Variants in TTN observed in about 807,000 individuals in gnomAD.
The protein encoded by TTN is titin.
In TTN, 1,525 loss-of-function variants were observed where a neutral mutation model predicts 3,223.0. That is an observed-to-expected ratio of 0.47 (90% CI 0.45 to 0.49). The LOEUF is 0.49. Ranked by LOEUF, TTN falls within the 20% of genes least tolerant of loss-of-function variation. The pLI is 0.00. For missense variants in TTN, 40,786 were observed against 43,424.0 expected (o/e 0.94, Z 5.40); for synonymous variants, 14,094 against 15,161.0 (o/e 0.93, Z 5.17).
rs533468450 is a variant in TTN, at chr2:178,630,423, T to C, written c.44155-56A>G. ...GAAAATAATTTTCTTTGAAATTTTG[T>C]TCTAAGGATAGATTATCTTAATTAA... On this transcript the variant is annotated intron_variant, in intron 238 of 362. Transcript: ENST00000589042. 1.1e-5 allele frequency: 17 copies of C among 1,527,702 alleles called. No individual in the cohort carries two copies. In the African/African-American group the frequency reaches 2.0e-4, roughly 18 times the overall value. The allele number at this position is 1,527,702 out of a possible 1,614,324, so 94.6% of individuals were successfully genotyped here.
In TTN at chr2:178,793,352, T is replaced by C. The variant is rs1279541339; in HGVS notation, c.1536+52A>G. Reference sequence around the variant, plus strand: ...TCTTCATGGTAAAGGTGATTATCTGTGTTGACCCCTGTAAGAACCTCAGTG... The same window carrying C: ...TCTTCATGGTAAAGGTGATTATCTGCGTTGACCCCTGTAAGAACCTCAGTG... On this transcript the variant is annotated intron_variant, in intron 9 of 362. Coordinates refer to ENST00000589042, the MANE Select transcript of TTN (RefSeq NM_001267550.2). The C allele has an allele frequency of 3.7e-6, 6 of 1,604,848 alleles. No homozygotes were observed. In the East Asian group the frequency reaches 1.1e-4, roughly 30 times the overall value.
intron 250 of TTN, chr2:178,619,165 G>T: frequency 2.5e-6 from 1 of 404,394 alleles, no homozygotes; most frequent in Non-Finnish European, 4.4e-6. Flanking sequence ...GATAGAGTAG[G>T]CACTGCATAC....
chr2:178,635,272 C>T lies in TTN; in HGVS notation c.41917G>A (p.Asp13973Asn). ...CTTTCTTTCTCATAAATGGTAACGT[C>T]CTCTATTGGTTTAAGCAGTTCAACT... is the stretch of plus-strand genomic sequence containing the variant. ...REVELLKPIE[D>N]VTIYEKESAS... Residue 13973 changes from aspartate (D) to asparagine (N), a missense_variant, in exon 228 of 363, where the codon GAC (aspartate) becomes AAC (asparagine). By Grantham distance (23) the Asp-to-Asn change is conservative (BLOSUM62 1). Transcript: ENST00000589042. The T allele has an allele frequency of 1.2e-6, 2 of 1,613,322 alleles. No individual in the cohort carries two copies. The highest frequency in any genetic ancestry group is 1.7e-6 in the Non-Finnish European group (2 of 1,179,530).
chr2:178,554,050 A>G lies in TTN; in HGVS notation c.89061T>C (p.Thr29687=), dbSNP rs770370764. The G allele has an allele frequency of 2.5e-6, 4 of 1,613,706 alleles. No individual in the cohort carries two copies. The highest frequency in any genetic ancestry group is 3.4e-6 in the Non-Finnish European group (4 of 1,179,820). Reference sequence around the variant, plus strand: ...TTACTTTTTGTCTGGTGTCACGGATAGTCTCTTTTAGTACTTTAAACCATC... The same window carrying G: ...TTACTTTTTGTCTGGTGTCACGGATGGTCTCTTTTAGTACTTTAAACCATC... The part of the protein sequence containing the change: ...SLGWFKVLKE[T]IRDTRQKVTG... Residue 29687 remains threonine, a synonymous_variant, in exon 333 of 363, where the codon ACT becomes ACC. Transcript: ENST00000589042.
Position 178,592,954 on chromosome 2 carries a change from A to G in TTN, c.59165T>C (p.Val19722Ala), listed in dbSNP as rs116592778. The G allele has an allele frequency of 7.0e-4, 1,136 of 1,613,478 alleles. 5 individuals are homozygous for G. In the African/African-American group the frequency reaches 0.013, roughly 18 times the overall value. The change falls in exon 300 of 363, where the codon GTT becomes GCT. Residue 19722 changes from valine to alanine, a missense_variant. Coordinates refer to ENST00000589042, the MANE Select transcript of TTN (RefSeq NM_001267550.2). The stretch of plus-strand genomic sequence containing the variant: ...GGCTCTTCTCCACTCTTCATCTCCA[A>G]CTTTCTGGTACTCAACAATATAACC... ...ILGYIVEYQK[V>A]GDEEWRRANH...
chr2:178,554,145 T>C lies in TTN; in HGVS notation c.88966A>G (p.Arg29656Gly). Residue 29656 changes from arginine to glycine, a missense_variant, in exon 333 of 363, where the codon AGG becomes GGG. Transcript: ENST00000589042. ...TCACTACCGCCATCTGCAATTGGCC[T>C]GCTCCATACAACAGTCATCGAATTC... Reference protein sequence around the residue: ...TKNSMTVVWSRPIADGGSDIS... With the variant: ...TKNSMTVVWSGPIADGGSDIS... 6.2e-7 allele frequency: 1 copy of C among 1,613,736 alleles called. No homozygotes were observed. The highest frequency in any genetic ancestry group is 1.3e-5 in the African/African-American group (1 of 75,040).
At chr2:178,625,689 C>A (rs1016864086) in intron 240 of TTN, among the ~76,000 whole-genome samples, 2 of 151,942 alleles carry the variant, frequency 1.3e-5, no homozygotes, top group African/African-American at 4.8e-5. Context: ...CATCATCTAG[C>A]ATTGGGTATA....
Position 178,625,329 on chromosome 2 carries a change from C to T in TTN, c.44492G>A (p.Gly14831Glu), listed in dbSNP as rs751929345. 1.9e-5 allele frequency: 30 copies of T among 1,604,190 alleles called. No homozygotes were observed. The Admixed American group carries it at 2.2e-4, about 12-fold the overall frequency. Residue 14831 changes from glycine (G) to glutamate (E), a missense_variant, in exon 241 of 363, where the codon GGG becomes GAG. Transcript: ENST00000589042. Reference sequence around the variant, plus strand: ...ATCTTTTGCTGTTAGTTGGACTTCCCCAGCATCTTCTAACTTTACATCCCT... The same window carrying T: ...ATCTTTTGCTGTTAGTTGGACTTCCTCAGCATCTTCTAACTTTACATCCCT... Reference protein sequence around the residue: ...TLRDVKLEDAGEVQLTAKDFK... With the variant: ...TLRDVKLEDAEEVQLTAKDFK...
At chr2:178,726,172 AC>A in intron 69 of TTN, 126 bp from the exon 70 acceptor site, 1 of 1,134,322 alleles carries the variant, frequency 8.8e-7, no homozygotes. Context: ...TCCAGCACTA[AC>A]ACTCTCATGG....
intron 10 of TTN, among the ~76,000 whole-genome samples, chr2:178,791,663 A>ATGTGTGTGTGTGTGTG (rs58282760): frequency 1.4e-5 from 2 of 147,388 alleles, no homozygotes; most frequent in African/African-American, 2.5e-5. Context: ...GTATGTGTAT[A>ATGTGTGTGTGTGTGTG]TGTGTGTGTG....
At position 178,563,755 on chromosome 2, in the gene TTN, C is replaced by T. The variant is rs1704588633; in HGVS notation, c.82377G>A (p.Gly27459=). The change falls in exon 326 of 363, where the codon GGG becomes GGA. Residue 27459 remains glycine, a synonymous_variant. Coordinates refer to ENST00000589042, the MANE Select transcript of TTN (RefSeq NM_001267550.2). This position sits in a 1 kb window ranked among gnomAD's most constrained non-coding sequence, Gnocchi z 4.5. ...KYGIGEPLES[G]PVTACNPYKP... The stretch of plus-strand genomic sequence containing the variant: ...TATAAGGATTACAGGCCGTAACAGG[C>T]CCAGATTCCAAGGGCTCTCCAATTC... 6.2e-7 allele frequency: 1 copy of T among 1,613,662 alleles called. No individual in the cohort carries two copies. Among genetic ancestry groups the T allele is most frequent in the Non-Finnish European group, 8.5e-7 (1 of 1,179,760 alleles).
In TTN at chr2:178,622,237, A is replaced by G. The variant is rs375260316; in HGVS notation, c.44914-229T>C. ...ATACTATTATCAGTTATTAAAAACAATGGGATCATATAAGTTTAGAGCTAT... is the reference window on the plus strand; with the variant it reads ...ATACTATTATCAGTTATTAAAAACAGTGGGATCATATAAGTTTAGAGCTAT... On this transcript the variant is annotated intron_variant, in intron 243 of 362. Transcript: ENST00000589042. 5.3e-5 allele frequency among the ~76,000 whole-genome samples: 8 copies of G among 152,056 alleles called. No homozygotes were observed. The South Asian group carries it at 8.3e-4, about 16-fold the overall frequency.
intron 52 of TTN, 32 bp from the exon 53 acceptor site, chr2:178,733,924 T>C (rs753297245): frequency 2.6e-6 from 4 of 1,533,544 alleles, no homozygotes; most frequent in East Asian, 2.3e-5. Flanking sequence ...ATAAAACATA[T>C]CAATTCCCAA....
rs376276989 is a variant in TTN at position 178,709,598 on chromosome 2, G to C, written c.28721C>G (p.Ser9574Cys). 2 of 1,613,598 alleles carry C rather than the reference G, an allele frequency of 1.2e-6. No individual in the cohort carries two copies. The highest frequency in any genetic ancestry group is 1.3e-5 in the African/African-American group (1 of 74,938). Residue 9574 changes from serine (S) to cysteine (C), a missense_variant, in exon 99 of 363, where the codon TCT becomes TGT. By Grantham distance (112) the Ser-to-Cys change is moderately radical. Coordinates refer to ENST00000589042, the MANE Select transcript of TTN (RefSeq NM_001267550.2). ...GACGATTGAAGACGTGCACAGAGCA[G>C]AGCCTGCATCATTGGACACTTTGCA... The part of the protein sequence containing the change: ...YTCKVSNDAG[S>C]ALCTSSIVIK...
rs1423291544 is a variant in TTN at position 178,636,406 on chromosome 2, A to T, written c.41321T>A (p.Val13774Asp). The T allele has an allele frequency of 6.2e-7, 1 of 1,603,242 alleles. No homozygotes were observed. ...AGAAGACTAGAAATTACCTTCTACA[A>T]CAAGTTTAGCCGTGGAGGTCTTTTC... Reference protein sequence around the residue: ...NKEKTSTAKLVVEELPVRFVK... With the variant: ...NKEKTSTAKLDVEELPVRFVK... The change falls in exon 225 of 363, where the codon GTT becomes GAT. Residue 13774 changes from valine to aspartate, a missense_variant. Physicochemically the swap from Val to Asp is radical, Grantham distance 152 (BLOSUM62 -3). Coordinates refer to ENST00000589042, the MANE Select transcript of TTN (RefSeq NM_001267550.2). This position sits in a 1 kb window ranked among gnomAD's most constrained non-coding sequence, Gnocchi z 4.3.
rs747531802 is a variant in TTN, at chr2:178,551,892, C to T, written c.91008G>A (p.Val30336=). 2 of 1,613,874 alleles carry T rather than the reference C, an allele frequency of 1.2e-6. No homozygotes were observed. Among genetic ancestry groups the T allele is most frequent in the Non-Finnish European group, 1.7e-6 (2 of 1,179,810 alleles). Residue 30336 remains valine (V), a synonymous_variant, in exon 335 of 363, where the codon GTG becomes GTA. Transcript: ENST00000589042. ...AAGTTAGTGACATGCCATCAGAAGT[C>T]ACATTGTATATAACTGGCTTTCCTG... The part of the protein sequence containing the change: ...GPPGKPVIYN[V]TSDGMSLTWD...
At position 178,539,970 on chromosome 2, in the gene TTN, GA is replaced by G. The variant is rs775413714; in HGVS notation, c.98099-5del. 2 of 1,604,124 alleles carry G rather than the reference GA, an allele frequency of 1.2e-6. No individual in the cohort carries two copies. Among genetic ancestry groups the G allele is most frequent in the Non-Finnish European group, 1.7e-6 (2 of 1,175,536 alleles). ...TCAAGTTCATAATCAGGATATTCTG[GA>G]AAAAAAGGTAGGGTTTCAATTTAGC... On this transcript the variant is annotated splice_region_variant and splice_polypyrimidine_tract_variant and intron_variant, in intron 351 of 362. Coordinates refer to ENST00000589042, the MANE Select transcript of TTN (RefSeq NM_001267550.2).
Position 178,780,110 on chromosome 2 carries a change from G to A in TTN, c.3619C>T (p.Pro1207Ser), listed in dbSNP as rs373753003. 6 of 1,613,594 alleles carry A rather than the reference G, an allele frequency of 3.7e-6. No homozygotes were observed. Among genetic ancestry groups the A allele is most frequent in the East Asian group, 2.2e-5 (1 of 44,804 alleles). Residue 1207 changes from proline to serine, a missense_variant, in exon 22 of 363, where the codon CCT becomes TCT. By Grantham distance (74) the Pro-to-Ser change is moderately conservative. Transcript: ENST00000589042. ...TCATACTCAGAGTATACAAATCCAG[G>A]TGCTGTTTCTCCAACTTTAGGTTCT... The part of the protein sequence containing the change: ...VQEPKVGETA[P>S]GFVYSEYEKE...
At position 178,610,928 on chromosome 2, in the gene TTN, C is replaced by G. The variant is rs1393697694; in HGVS notation, c.51136+65G>C. ...GAAGCCAATTATATTATTAATAGCA[C>G]TGCAAAGTTAACTAATTTCCTCTAC... On this transcript the variant is annotated intron_variant, in intron 270 of 362. Coordinates refer to ENST00000589042, the MANE Select transcript of TTN (RefSeq NM_001267550.2). 3.8e-6 allele frequency: 6 copies of G among 1,589,910 alleles called. No individual in the cohort carries two copies. The African/African-American group carries it at 6.8e-5, about 18-fold the overall frequency.
Sources: allele counts gnomAD v4.1 joint callset (sites outside exome capture counted in the v4.1 genomes callset), GRCh38; gene constraint gnomAD v4.1.1; non-coding constraint Gnocchi (gnomAD v3.1); transcripts MANE v1.5; gene names NCBI Gene and HGNC (gene_info 2026-07-23, HGNC 2026-07-21).